The following PPP1R11 variants were observed in gnomAD, a reference collection of about 807,000 sequenced individuals.
PPP1R11 encodes E3 ubiquitin-protein ligase PPP1R11.
A neutral mutation model predicts 11.3 loss-of-function variants in PPP1R11; 10 were observed. The observed-to-expected ratio is 0.88, with a 90% CI of 0.55 to 1.50. The LOEUF (loss-of-function observed/expected upper bound fraction) is 1.50, where lower values mean the gene tolerates loss of function less well. Among genes scored for constraint, PPP1R11 ranks in the 40% most tolerant of loss-of-function variants. The pLI is 0.00. For synonymous variants in PPP1R11, 56 were observed against 62.3 expected (o/e 0.90, Z 0.48); for missense variants, 114 against 179.1 (o/e 0.64, Z 2.07).
upstream of PPP1R11, chr6:30,062,184 G>C (rs373543360): frequency 4.2e-5 from 64 of 1,532,158 alleles, no homozygotes; most frequent in Non-Finnish European, 5.6e-5. Flanking sequence ...GAAGTAAGGG[G>C]ATATGACCAG....
At chr6:30,068,933 C>G (rs1765729866) in intron 2 of PPP1R11, among the ~76,000 whole-genome samples, 171 bp from the exon 3 acceptor site, 1 of 151,980 alleles carries the variant, frequency 6.6e-6, no homozygotes, top group African/African-American at 2.4e-5. Flanking sequence ...ATTCGTGGCT[C>G]TCTAAGAGGA....
At chr6:30,061,774 G>C, upstream of PPP1R11, 1 of 1,571,226 alleles carries the variant, frequency 6.4e-7, no homozygotes, top group Non-Finnish European at 8.7e-7. The surrounding 1 kb of genome is among the most constrained non-coding windows in gnomAD (Gnocchi z 5.0). Flanking sequence ...CAGGACATCA[G>C]GCGGTTGTAC....
In PPP1R11 at chr6:30,067,425, G is replaced by C; in HGVS notation, c.15G>C (p.Gly5=). 6.2e-7 allele frequency: 1 copy of C among 1,614,172 alleles called. No individual in the cohort carries two copies. The change falls in exon 1 of 3, where the codon GGG becomes GGC. Residue 5 remains glycine, a synonymous_variant. Transcript: ENST00000376772. ...GAGCCTTAGCCATGGCCGAGGCAGG[G>C]GCTGGGCTGAGCGAGACCGTCACTG... MAEA[G]AGLSETVTET...
At chr6:30,061,701 A>AG in the PPP1R11 span, 3 of 1,611,552 alleles carry the variant, frequency 1.9e-6, no homozygotes, top group South Asian at 3.3e-5. This position sits in a 1 kb window ranked among gnomAD's most constrained non-coding sequence, Gnocchi z 5.0. Context: ...GTCCTGGCGG[A>AG]GGGCGCAGGG....
In PPP1R11 at chr6:30,069,048, T is replaced by G; in HGVS notation, c.179-56T>G. 3 of 1,482,722 alleles carry G rather than the reference T, an allele frequency of 2.0e-6. No homozygotes were observed. The highest frequency in any genetic ancestry group is 2.8e-6 in the Non-Finnish European group (3 of 1,066,338). The allele number at this position is 1,482,722 out of a possible 1,614,324, so 91.8% of individuals were successfully genotyped here. On this transcript the variant is annotated intron_variant, in intron 2 of 2. Coordinates refer to ENST00000376772, the MANE Select transcript of PPP1R11 (RefSeq NM_021959.3). This position sits in a 1 kb window ranked among gnomAD's most constrained non-coding sequence, Gnocchi z 6.6. The stretch of plus-strand genomic sequence containing the variant: ...CACTGAGTTTGAGTGGGAATGGAAC[T>G]GACTATATATCTTACCCTTCCTCCT...
At chr6:30,064,713 A>G (rs1765370920), upstream of PPP1R11, 4 of 1,608,446 alleles carry the variant, frequency 2.5e-6, no homozygotes, top group Non-Finnish European at 2.5e-6. Context: ...TTCCTGGGCA[A>G]CTCTACAGTC....
chr6:30,061,343 C>T, the PPP1R11 span: 3 of 646,096 alleles, frequency 4.6e-6, no homozygotes, highest in Non-Finnish European at 7.8e-6. The surrounding 1 kb of genome is among the most constrained non-coding windows in gnomAD (Gnocchi z 5.0). Flanking sequence ...CTTTAGTACC[C>T]GACGCTGTCT....
At chr6:30,068,538 G>A in intron 1 of PPP1R11, 52 bp from the exon 2 acceptor site, 2 of 1,475,750 alleles carry the variant, frequency 1.4e-6, no homozygotes, top group Admixed American at 3.5e-5. Context: ...GAGGGAGTGG[G>A]AAAGGTTAGT....
chr6:30,068,552 A>C (rs1361834866), intron 1 of PPP1R11, 38 bp from the exon 2 acceptor site: 2 of 1,549,326 alleles, frequency 1.3e-6, no homozygotes, highest in Non-Finnish European at 1.8e-6. Context: ...GGTTAGTAAG[A>C]GGGGACTAGA....
chr6:30,067,456 A>G lies in PPP1R11; in HGVS notation c.46A>G (p.Thr16Ala), dbSNP rs1260796822. ...AGLSETVTET[T>A]VTVTTEPENR... ...GCTGAGCGAGACCGTCACTGAGACA[A>G]CGGTTACCGTGACAACCGAGCCCGT... Residue 16 changes from threonine (T) to alanine (A), a missense_variant, in exon 1 of 3, where the codon ACG (threonine) becomes GCG (alanine). Coordinates refer to ENST00000376772, the MANE Select transcript of PPP1R11 (RefSeq NM_021959.3). 2.2e-5 allele frequency: 35 copies of G among 1,614,088 alleles called. No homozygotes were observed. Among genetic ancestry groups the G allele is most frequent in the Non-Finnish European group, 2.6e-5 (31 of 1,179,984 alleles).
At chr6:30,068,537 G>T in intron 1 of PPP1R11, 53 bp from the exon 2 acceptor site, 1 of 1,466,682 alleles carries the variant, frequency 6.8e-7, no homozygotes, top group Non-Finnish European at 9.5e-7. Context: ...GGAGGGAGTG[G>T]GAAAGGTTAG....
At chr6:30,064,822 CAT>C, upstream of PPP1R11, 1 of 746,026 alleles carries the variant, frequency 1.3e-6, no homozygotes, top group Non-Finnish European at 2.2e-6. Context: ...ATCAGATCAT[CAT>C]GTGGGGATTA....
Position 30,069,322 on chromosome 6 carries a change from A to G in PPP1R11, c.*16A>G. ...GCAGCACTAAATCCCTCTCTCCTCCAGCATTCCTGTGTCTGTCTGGCCCTA... is the reference window on the plus strand; with the variant it reads ...GCAGCACTAAATCCCTCTCTCCTCCGGCATTCCTGTGTCTGTCTGGCCCTA... On this transcript the variant is annotated 3_prime_UTR_variant, in exon 3 of 3. Coordinates refer to ENST00000376772, the MANE Select transcript of PPP1R11 (RefSeq NM_021959.3). The surrounding 1 kb of genome is among the most constrained non-coding windows in gnomAD (Gnocchi z 6.6). The G allele has an allele frequency of 6.5e-7, 1 of 1,550,382 alleles. No homozygotes were observed. Among genetic ancestry groups the G allele is most frequent in the Non-Finnish European group, 8.8e-7 (1 of 1,140,874 alleles).
rs1039501286 is a variant in PPP1R11 at position 30,067,244 on chromosome 6, C to T, written c.-167C>T. The T allele has an allele frequency of 4.4e-6, 3 of 679,612 alleles. No individual in the cohort carries two copies. The highest frequency in any genetic ancestry group is 2.0e-5 in the South Asian group (1 of 49,092). The allele number at this position is 679,612 out of a possible 1,614,324, so 42.1% of individuals were successfully genotyped here. On this transcript the variant is annotated 5_prime_UTR_variant, in exon 1 of 3. Coordinates refer to ENST00000376772, the MANE Select transcript of PPP1R11 (RefSeq NM_021959.3). ...CCGGAAGTGGGGTTAGCCAGGTTATCCCCAGGGGTGGAGAAGCGGAGGCCC... is the reference window on the plus strand; with the variant it reads ...CCGGAAGTGGGGTTAGCCAGGTTATTCCCAGGGGTGGAGAAGCGGAGGCCC...
In PPP1R11 at chr6:30,068,557, A is replaced by G. The variant is rs750779046; in HGVS notation, c.70-33A>G. ...GAGTGGGAAAGGTTAGTAAGAGGGG[A>G]CTAGATAGGTATGCTCATCCTTAAC... On this transcript the variant is annotated intron_variant, in intron 1 of 2. Coordinates refer to ENST00000376772, the MANE Select transcript of PPP1R11 (RefSeq NM_021959.3). 1.9e-6 allele frequency: 3 copies of G among 1,567,858 alleles called. No individual in the cohort carries two copies. In the African/African-American group the frequency reaches 4.1e-5, roughly 21 times the overall value.
intron 1 of PPP1R11, 94 bp downstream of exon 1, chr6:30,067,573 C>A: frequency 6.9e-7 from 1 of 1,452,070 alleles, no homozygotes; most frequent in South Asian, 1.2e-5. Context: ...GGAGCTAGGC[C>A]TAGGGATATG....
At chr6:30,066,602 C>T (rs569997443), upstream of PPP1R11, 2 of 152,304 alleles carry the variant, frequency 1.3e-5, no homozygotes, top group Middle Eastern at 6.8e-3. Flanking sequence ...CCTACTAGAG[C>T]TAAAAGGCAG....
At chr6:30,064,342 G>C (rs181298989), upstream of PPP1R11, among the ~76,000 whole-genome samples, 1 of 149,592 alleles carries the variant, frequency 6.7e-6, no homozygotes, top group East Asian at 1.9e-4. Flanking sequence ...TTTTCCCAGC[G>C]TGTGGCTTGC....
upstream of PPP1R11, chr6:30,061,887 T>A: frequency 1.2e-6 from 2 of 1,605,720 alleles, no homozygotes; most frequent in Non-Finnish European, 1.7e-6. The surrounding 1 kb of genome is among the most constrained non-coding windows in gnomAD (Gnocchi z 5.0). Context: ...TCTGGTTGTC[T>A]CCATAACCAG....
Sources: allele counts gnomAD v4.1 joint callset (sites outside exome capture counted in the v4.1 genomes callset), GRCh38; gene constraint gnomAD v4.1.1; non-coding constraint Gnocchi (gnomAD v3.1); transcripts MANE v1.5; gene names NCBI Gene and HGNC (gene_info 2026-07-23, HGNC 2026-07-21).